The following SH3PXD2A variants were observed in gnomAD, a reference collection of about 807,000 sequenced individuals.
SH3PXD2A encodes SH3 and PX domain-containing protein 2A.
A neutral mutation model predicts 115.2 loss-of-function variants in SH3PXD2A; 32 were observed. The ratio of observed to expected loss-of-function variants is 0.28; its 90% confidence interval spans 0.21 to 0.37. The LOEUF is 0.37. Ranked by LOEUF, SH3PXD2A falls within the 10% of genes least tolerant of loss-of-function variation. The pLI is 1.00. For synonymous variants in SH3PXD2A, 610 were observed against 629.1 expected, an observed-to-expected ratio of 0.97 and a Z score of 0.45; for missense variants, 1,328 against 1,498.7, an observed-to-expected ratio of 0.89 and a Z score of 1.88.
intron 5 of SH3PXD2A, among the ~76,000 whole-genome samples, chr10:103,707,199 AT>A (rs35419059): frequency 0.27 from 38,566 of 144,746 alleles, 5,224 homozygotes; most frequent in African/African-American, 0.39. Context: ...ATATATTTCA[AT>A]TTTTTTTTTT....
chr10:103,818,879 C>T (rs561709830), intron 1 of SH3PXD2A, among the ~76,000 whole-genome samples: 2 of 152,300 alleles, frequency 1.3e-5, no homozygotes, highest in South Asian at 4.1e-4. Flanking sequence ...CTTTACAAGG[C>T]ACCTGCAACC....
chr10:103,827,422 G>A (rs1414133433), intron 1 of SH3PXD2A, among the ~76,000 whole-genome samples: 1 of 152,166 alleles, frequency 6.6e-6, no homozygotes, highest in East Asian at 1.9e-4. Flanking sequence ...AAGAGAATGT[G>A]GTTTGGAGTT....
At chr10:103,651,069 G>A (rs1361510538) in intron 8 of SH3PXD2A, among the ~76,000 whole-genome samples, 3 of 152,236 alleles carry the variant, frequency 2.0e-5, no homozygotes, top group South Asian at 2.1e-4. Context: ...TAGGGGTGCG[G>A]AAGGAGAGAG....
chr10:103,818,024 C>T (rs756790866), intron 1 of SH3PXD2A, among the ~76,000 whole-genome samples: 1 of 152,286 alleles, frequency 6.6e-6, no homozygotes, highest in East Asian at 1.9e-4. Flanking sequence ...TGTGAATGAA[C>T]TAAAAACCAT....
At position 103,635,290 on chromosome 10, in the gene SH3PXD2A, C is replaced by T. The variant is rs540821312; in HGVS notation, c.605-8088G>A. Among the ~76,000 whole-genome samples the T allele has an allele frequency of 1.3e-4, 20 of 152,340 alleles. No individual in the cohort carries two copies. In the South Asian group the frequency reaches 2.3e-3, roughly 17 times the overall value. ...CCCTGGTTTCCAGGTACAAAGGAAG[C>T]AGGATCTTTTGGGAGGTGGGGCAGG... On this transcript the variant is annotated intron_variant, in intron 8 of 14. Transcript: ENST00000369774.
intron 1 of SH3PXD2A, among the ~76,000 whole-genome samples, chr10:103,841,741 G>T (rs1313818782): frequency 1.3e-5 from 2 of 152,064 alleles, no homozygotes. Context: ...CTTTCCCCCA[G>T]ATAGCCACAG....
intron 8 of SH3PXD2A, among the ~76,000 whole-genome samples, chr10:103,659,345 T>C (rs922125951): frequency 6.6e-5 from 10 of 152,130 alleles, no homozygotes; most frequent in African/African-American, 2.2e-4. Flanking sequence ...GGGAGAACCA[T>C]TGGTTTGCTC....
intron 5 of SH3PXD2A, among the ~76,000 whole-genome samples, chr10:103,695,201 G>A (rs746676676): frequency 6.6e-6 from 1 of 152,134 alleles, no homozygotes; most frequent in Non-Finnish European, 1.5e-5. Context: ...CCATCCCCCT[G>A]GCTGCCAGTA....
intron 4 of SH3PXD2A, among the ~76,000 whole-genome samples, chr10:103,724,977 C>G (rs934916650): frequency 3.3e-5 from 5 of 152,212 alleles, no homozygotes; most frequent in African/African-American, 1.2e-4. Context: ...CTGCACCAGG[C>G]ATTCACACTC....
chr10:103,816,912 C>A (rs1213099845), intron 1 of SH3PXD2A, among the ~76,000 whole-genome samples: 1 of 151,778 alleles, frequency 6.6e-6, no homozygotes, highest in Non-Finnish European at 1.5e-5. Context: ...ATTACTGCAA[C>A]CTCCACCTCC....
chr10:103,695,905 C>T (rs1213314314), intron 5 of SH3PXD2A, among the ~76,000 whole-genome samples: 1 of 152,194 alleles, frequency 6.6e-6, no homozygotes, highest in Non-Finnish European at 1.5e-5. Context: ...GGGGTGTGGG[C>T]TCTCCTCTTG....
intron 6 of SH3PXD2A, among the ~76,000 whole-genome samples, chr10:103,681,889 G>A (rs1012546150): frequency 2.0e-5 from 3 of 152,168 alleles, no homozygotes; most frequent in Non-Finnish European, 4.4e-5. Flanking sequence ...ACCAGCCTGG[G>A]CAATATGGTG....
At chr10:103,639,872 C>G (rs2133981121) in intron 8 of SH3PXD2A, among the ~76,000 whole-genome samples, 1 of 152,204 alleles carries the variant, frequency 6.6e-6, no homozygotes. Flanking sequence ...GGAAGAGTGG[C>G]AGTCAGGGAA....
chr10:103,739,627 G>T (rs1032383630), intron 3 of SH3PXD2A, among the ~76,000 whole-genome samples: 4 of 152,204 alleles, frequency 2.6e-5, no homozygotes, highest in Non-Finnish European at 5.9e-5. Flanking sequence ...GGCATTAAAG[G>T]CCTCTTGTAA....
intron 8 of SH3PXD2A, among the ~76,000 whole-genome samples, chr10:103,659,274 G>A (rs1265991434): frequency 6.6e-6 from 1 of 152,134 alleles, no homozygotes; most frequent in East Asian, 1.9e-4. Context: ...AAAGACATGG[G>A]GGCTCACTAC....
At chr10:103,759,751 C>G (rs1375213990) in intron 3 of SH3PXD2A, among the ~76,000 whole-genome samples, 1 of 152,218 alleles carries the variant, frequency 6.6e-6, no homozygotes, top group Non-Finnish European at 1.5e-5. Context: ...GGATGGGCAA[C>G]AGGAGATGGA....
At chr10:103,782,900 G>A (rs966947388) in intron 2 of SH3PXD2A, among the ~76,000 whole-genome samples, 8 of 148,464 alleles carry the variant, frequency 5.4e-5, no homozygotes, top group Admixed American at 2.7e-4. Context: ...ATGTGACAAA[G>A]TGACCAAGAG....
rs375554787 is a variant in SH3PXD2A at position 103,602,055 on chromosome 10, C to T, written c.3163G>A (p.Val1055Met). The stretch of plus-strand genomic sequence containing the variant: ...ATGGGCTTGGGGCGCACAGGGGACA[C>T]GGGTATGCTGTTGCGCTGGGCGGGC... ...LLPAQRNSIPVSPVRPKPIEK... is the reference protein window; with the variant it reads ...LLPAQRNSIPMSPVRPKPIEK... The change falls in exon 15 of 15, where the codon GTG becomes ATG. Residue 1055 changes from valine to methionine, a missense_variant. Around this residue, in one of 5 missense-constraint regions of SH3PXD2A, gnomAD observed 574 missense variants for 565.7 expected, o/e 1.01. Transcript: ENST00000369774. 3.3e-5 allele frequency: 53 copies of T among 1,607,554 alleles called. 1 individual carries two copies. In the East Asian group the frequency reaches 4.7e-4, roughly 14 times the overall value.
Position 103,620,207 on chromosome 10 carries a change from C to T in SH3PXD2A, c.802+2263G>A, listed in dbSNP as rs1338287544. On this transcript the variant is annotated intron_variant, in intron 10 of 14. Transcript: ENST00000369774. This position sits in a 1 kb window ranked among gnomAD's most constrained non-coding sequence, Gnocchi z 5.3. ...GGGTTGAGGGAAGGGAGGCTGTGAG[C>T]TCCAGTGGGATCCTCCGGGCTTCTG... 6.6e-6 allele frequency among the ~76,000 whole-genome samples: 1 copy of T among 152,208 alleles called. No individual in the cohort carries two copies. The highest frequency in any genetic ancestry group is 6.5e-5 in the Admixed American group (1 of 15,280).
Sources: allele counts gnomAD v4.1 joint callset (sites outside exome capture counted in the v4.1 genomes callset), GRCh38; gene constraint gnomAD v4.1.1; regional missense constraint gnomAD v4.1.1; non-coding constraint Gnocchi (gnomAD v3.1); transcripts MANE v1.5; gene names NCBI Gene and HGNC (gene_info 2026-07-23, HGNC 2026-07-21).